The following STYX variants were observed in gnomAD, a reference collection of about 807,000 sequenced individuals.
STYX encodes the protein serine/threonine/tyrosine interacting protein.
Under a neutral mutation model 42.7 loss-of-function variants are expected in STYX, and 20 were observed. The observed-to-expected ratio is 0.47, with a 90% CI of 0.33 to 0.68. The LOEUF (loss-of-function observed/expected upper bound fraction) is 0.68, where lower values mean the gene tolerates loss of function less well. Ranked by LOEUF, STYX falls within the 30% of genes least tolerant of loss-of-function variation. The probability of loss-of-function intolerance (pLI) is 0.02; values close to 1 mark genes in which losing one functional copy is unlikely to be tolerated. For synonymous variants in STYX, 78 were observed against 81.9 expected, an observed-to-expected ratio of 0.95 and a Z score of 0.26; for missense variants, 226 against 268.5, an observed-to-expected ratio of 0.84 and a Z score of 1.11.
chr14:52,743,998 A>G (rs1881300795), intron 1 of STYX, among the ~76,000 whole-genome samples: 1 of 151,920 alleles, frequency 6.6e-6, no homozygotes, highest in Non-Finnish European at 1.5e-5. Flanking sequence ...ATTTTTTTGT[A>G]TTTTTAGTAG....
At chr14:52,757,165 T>C (rs1465460689) in intron 5 of STYX, among the ~76,000 whole-genome samples, 154 bp from the exon 6 acceptor site, 1 of 152,228 alleles carries the variant, frequency 6.6e-6, no homozygotes, top group African/African-American at 2.4e-5. Context: ...TTTTTTGGAC[T>C]TGTAATAGTT....
chr14:52,766,259 T>C (rs1291309064), intron 9 of STYX, among the ~76,000 whole-genome samples: 1 of 152,148 alleles, frequency 6.6e-6, no homozygotes, highest in East Asian at 1.9e-4. Context: ...CTCTGCCTCC[T>C]GGGTTAAAGC....
At chr14:52,738,207 T>C (rs998990777) in intron 1 of STYX, among the ~76,000 whole-genome samples, 1 of 152,234 alleles carries the variant, frequency 6.6e-6, no homozygotes, top group African/African-American at 2.4e-5. Flanking sequence ...GAGAGAAAGC[T>C]TTCTAGGTTT....
chr14:52,768,103 CT>C (rs1182550132), intron 9 of STYX, among the ~76,000 whole-genome samples: 1 of 152,054 alleles, frequency 6.6e-6, no homozygotes. Context: ...TTTAGGTCAC[CT>C]TTTTTAGCGA....
At chr14:52,745,390 C>T (rs1048942227) in intron 2 of STYX, among the ~76,000 whole-genome samples, 1 of 152,170 alleles carries the variant, frequency 6.6e-6, no homozygotes, top group Non-Finnish European at 1.5e-5. Flanking sequence ...CCACCTTGGC[C>T]TCCCAAAGTG....
At chr14:52,738,203 A>G (rs922331140) in intron 1 of STYX, among the ~76,000 whole-genome samples, 1 of 152,162 alleles carries the variant, frequency 6.6e-6, no homozygotes, top group African/African-American at 2.4e-5. Flanking sequence ...CTGTGAGAGA[A>G]AGCTTTCTAG....
intron 9 of STYX, among the ~76,000 whole-genome samples, chr14:52,765,911 G>A (rs572802416): frequency 8.5e-5 from 13 of 152,272 alleles, no homozygotes; most frequent in Admixed American, 3.3e-4. Context: ...CCTGACAGGC[G>A]ATGGACCGAT....
At chr14:52,747,051 A>T (rs1332391451) in intron 3 of STYX, among the ~76,000 whole-genome samples, 2 of 152,226 alleles carry the variant, frequency 1.3e-5, no homozygotes, top group African/African-American at 4.8e-5. Flanking sequence ...ATGCTCAATT[A>T]TAAGTATAAT....
At chr14:52,762,585 T>G (rs1421818516) in intron 9 of STYX, among the ~76,000 whole-genome samples, 1 of 152,170 alleles carries the variant, frequency 6.6e-6, no homozygotes, top group Non-Finnish European at 1.5e-5. Context: ...CTTTCTTTTT[T>G]TTTTCTGTAC....
chr14:52,762,809 C>A (rs1882143408), intron 9 of STYX, among the ~76,000 whole-genome samples: 1 of 150,540 alleles, frequency 6.6e-6, no homozygotes, highest in Admixed American at 6.6e-5. Context: ...TGACAATAGA[C>A]CAGTTCTCAG....
At chr14:52,760,311 A>ATT (rs200169502) in intron 9 of STYX, among the ~76,000 whole-genome samples, 1 of 151,770 alleles carries the variant, frequency 6.6e-6, no homozygotes, top group Admixed American at 6.6e-5. Flanking sequence ...GAAATGTCTG[A>ATT]TTTTTTTTTG....
Position 52,772,629 on chromosome 14 carries a change from G to A in STYX, c.*1523G>A, listed in dbSNP as rs1289252502. The A allele has an allele frequency of 6.6e-6, 1 of 152,484 alleles. No individual in the cohort carries two copies. Among genetic ancestry groups the A allele is most frequent in the Non-Finnish European group, 1.5e-5 (1 of 67,998 alleles). The allele number at this position is 152,484 out of a possible 1,614,324, so 9.4% of individuals were successfully genotyped here. On this transcript the variant is annotated 3_prime_UTR_variant, in exon 11 of 11. Coordinates refer to ENST00000354586, the MANE Select transcript of STYX (RefSeq NM_145251.4). ...CTGTATGTTCCCTTGGTACCAAGAGGTACTATGCAAAGTAACCTATTACAC... is the reference window on the plus strand; with the variant it reads ...CTGTATGTTCCCTTGGTACCAAGAGATACTATGCAAAGTAACCTATTACAC...
intron 9 of STYX, among the ~76,000 whole-genome samples, chr14:52,767,566 G>A (rs1370940008): frequency 6.6e-6 from 1 of 152,054 alleles, no homozygotes; most frequent in Non-Finnish European, 1.5e-5. Context: ...TCTTTGAACT[G>A]GAGGTATTCG....
At chr14:52,769,195 T>C (rs1274869838) in intron 10 of STYX, among the ~76,000 whole-genome samples, 1 of 152,134 alleles carries the variant, frequency 6.6e-6, no homozygotes, top group Non-Finnish European at 1.5e-5. Flanking sequence ...GGTGATCTTA[T>C]TAAAAGTAGA....
chr14:52,766,762 T>C (rs1363818055), intron 9 of STYX, among the ~76,000 whole-genome samples: 1 of 152,192 alleles, frequency 6.6e-6, no homozygotes, highest in East Asian at 1.9e-4. Context: ...CTTTTTAGTA[T>C]ACCCCTTACC....
intron 1 of STYX, among the ~76,000 whole-genome samples, chr14:52,733,934 T>C (rs762498638): frequency 3.9e-5 from 6 of 152,198 alleles, no homozygotes; most frequent in East Asian, 3.8e-4. Flanking sequence ...CCGAATCTTC[T>C]TGGGTCCAAA....
intron 1 of STYX, among the ~76,000 whole-genome samples, chr14:52,738,092 GT>G (rs1881032964): frequency 6.6e-6 from 1 of 152,132 alleles, no homozygotes; most frequent in South Asian, 2.1e-4. Flanking sequence ...CAGGTTTAAG[GT>G]TTGTTCTGTA....
chr14:52,731,186 AT>A (rs1490595690), intron 1 of STYX, among the ~76,000 whole-genome samples: 1 of 151,796 alleles, frequency 6.6e-6, no homozygotes, highest in Non-Finnish European at 1.5e-5. Flanking sequence ...TTCTACTCGG[AT>A]TTTTTTTCAT....
At position 52,731,971 on chromosome 14, in the gene STYX, A is replaced by T. The variant is rs566366119; in HGVS notation, c.57+1440A>T. On this transcript the variant is annotated intron_variant, in intron 1 of 10. Coordinates refer to ENST00000354586, the MANE Select transcript of STYX (RefSeq NM_145251.4). ...TTTCTTTTTTTTTTTTTTTGTAGCG[A>T]TGGGTTTTTTCTCCAGGCTGGTCTC... Among the ~76,000 whole-genome samples, 10 of 123,728 alleles carry T rather than the reference A, an allele frequency of 8.1e-5. No homozygotes were observed. In the South Asian group the frequency reaches 1.0e-3, roughly 13 times the overall value. The allele number at this position is 123,728 out of a possible 152,430, so 81.2% of individuals were successfully genotyped here. A position where few individuals can be genotyped will look rare whatever the true frequency, so the allele number is the denominator to read the frequency against.
Sources: gnomAD v4.1 joint callset for allele counts (sites outside exome capture counted in the v4.1 genomes callset) on GRCh38, gnomAD v4.1.1 for gene constraint, MANE v1.5 for transcripts, NCBI Gene and HGNC (gene_info 2026-07-23, HGNC 2026-07-21) for gene names.